Variants in HDLBP observed in about 807,000 individuals in gnomAD.
HDLBP encodes vigilin.
A neutral mutation model predicts 137.3 loss-of-function variants in HDLBP; 30 were observed. The ratio of observed to expected loss-of-function variants is 0.22; its 90% CI spans 0.16 to 0.30. HDLBP has a LOEUF of 0.30. Among genes scored for constraint, HDLBP ranks in the 10% least tolerant of loss-of-function variants. The pLI is 1.00. For synonymous variants in HDLBP, 606 were observed against 596.0 expected, an observed-to-expected ratio of 1.02 and a Z score of -0.24; for missense variants, 1,119 against 1,667.3, an observed-to-expected ratio of 0.67 and a Z score of 5.73.
chr2:241,238,009 G>A lies in HDLBP; in HGVS notation c.2749+640C>T, dbSNP rs1339234498. Among the ~76,000 whole-genome samples the A allele has an allele frequency of 2.0e-5, 3 of 152,248 alleles. No homozygotes were observed. The East Asian group carries it at 5.8e-4, about 29-fold the overall frequency. On this transcript the variant is annotated intron_variant, in intron 20 of 27. Coordinates refer to ENST00000310931, the MANE Select transcript of HDLBP (RefSeq NM_005336.6). This position sits in a 1 kb window ranked among gnomAD's most constrained non-coding sequence, Gnocchi z 4.9. ...TGCAGGGCCACCTGCCGCCCAAACAGCTCAACCAAGACTGATAACACAGAG... is the reference window on the plus strand; with the variant it reads ...TGCAGGGCCACCTGCCGCCCAAACAACTCAACCAAGACTGATAACACAGAG...
intron 16 of HDLBP, 186 bp from the exon 17 acceptor site, chr2:241,242,864 G>A (rs1559492579): frequency 1.5e-5 from 9 of 609,042 alleles, no homozygotes; most frequent in East Asian, 2.8e-5. Flanking sequence ...GAGAGTGCAC[G>A]TCCTGGGGAG....
At position 241,257,778 on chromosome 2, in the gene HDLBP, A is replaced by AGGAG. The variant is rs796574486; in HGVS notation, c.451-973_451-972insCTCC. Among the ~76,000 whole-genome samples, 14 of 152,346 alleles carry AGGAG rather than the reference A, an allele frequency of 9.2e-5. 1 individual carries two copies. Among genetic ancestry groups the AGGAG allele is most frequent in the African/African-American group, 2.9e-4 (12 of 41,576 alleles). On this transcript the variant is annotated intron_variant, in intron 5 of 27. Coordinates refer to ENST00000310931, the MANE Select transcript of HDLBP (RefSeq NM_005336.6). ...AAAATGAACAAGAAAACCCTGAAAA[A>AGGAG]GAATAGTGCAGGGTGGAGGTGTTAA... is the stretch of plus-strand genomic sequence containing the variant.
chr2:241,236,859 TG>T, intron 20 of HDLBP, 90 bp from the exon 21 acceptor site: 1 of 1,357,352 alleles, frequency 7.4e-7, no homozygotes, highest in South Asian at 1.3e-5. Context: ...AGGCACCTGC[TG>T]GGTGCTGGGT....
intron 1 of HDLBP, among the ~76,000 whole-genome samples, chr2:241,305,039 A>G (rs2075524505): frequency 1.3e-5 from 2 of 152,144 alleles, no homozygotes; most frequent in African/African-American, 2.4e-5. Context: ...TTTTATTACT[A>G]TTATCATCTG....
rs572701737 is a variant in HDLBP at position 241,305,343 on chromosome 2, G to A, written c.-103+10227C>T. Among the ~76,000 whole-genome samples, 11 of 152,184 alleles carry A rather than the reference G, an allele frequency of 7.2e-5. No homozygotes were observed. The East Asian group carries it at 1.7e-3, about 24-fold the overall frequency. The stretch of plus-strand genomic sequence containing the variant: ...TCACCATGTTGGACAGGCTGGTCTC[G>A]AACTCCTGACCTCAGGTGATCCACC... On this transcript the variant is annotated intron_variant, in intron 1 of 27. Coordinates refer to ENST00000310931, the MANE Select transcript of HDLBP (RefSeq NM_005336.6).
chr2:241,283,298 T>C (rs956798073), intron 1 of HDLBP, among the ~76,000 whole-genome samples: 19 of 152,192 alleles, frequency 1.2e-4, no homozygotes, highest in Non-Finnish European at 2.4e-4. Flanking sequence ...AAGATCTCTC[T>C]AACATGAAAG....
Position 241,272,686 on chromosome 2 carries a change from AC to A in HDLBP, c.-102-4146del, listed in dbSNP as rs1235697569. The A allele has an allele frequency of 1.3e-4, 67 of 535,282 alleles. No homozygotes were observed. The highest frequency in any genetic ancestry group is 9.4e-4 in the Middle Eastern group (1 of 1,062). 33.2% of individuals were successfully genotyped at this position (535,282 alleles called of 1,614,324 possible). A position where few individuals can be genotyped will look rare whatever the true frequency, so the allele number is the denominator to read the frequency against. On this transcript the variant is annotated intron_variant, in intron 1 of 27. Coordinates refer to ENST00000310931, the MANE Select transcript of HDLBP (RefSeq NM_005336.6). This position sits in a 1 kb window ranked among gnomAD's most constrained non-coding sequence, Gnocchi z 5.6. Reference sequence around the variant, plus strand: ...GCCTCCACGTCAGCAGCCACCCCCCACCCCCCCGCCCGGCAGCCCGCCCGCC... The same window carrying A: ...GCCTCCACGTCAGCAGCCACCCCCCACCCCCCGCCCGGCAGCCCGCCCGCC...
At chr2:241,296,118 A>G (rs1575039984) in intron 1 of HDLBP, among the ~76,000 whole-genome samples, 1 of 151,178 alleles carries the variant, frequency 6.6e-6, no homozygotes, top group Non-Finnish European at 1.5e-5. Context: ...AAAAAAAAAA[A>G]GCTGGGATTC....
intron 1 of HDLBP, chr2:241,302,584 A>T (rs944755098): frequency 1.3e-5 from 2 of 152,198 alleles, no homozygotes; most frequent in Admixed American, 6.5e-5. Context: ...ACCCCCTTTA[A>T]AAACTATTTC....
intron 1 of HDLBP, among the ~76,000 whole-genome samples, chr2:241,289,579 A>G (rs2074941487): frequency 6.6e-6 from 1 of 152,224 alleles, no homozygotes; most frequent in Non-Finnish European, 1.5e-5. Flanking sequence ...AGGAACTTAG[A>G]TGTCTCATCT....
intron 1 of HDLBP, among the ~76,000 whole-genome samples, chr2:241,297,220 G>C (rs1193633437): frequency 6.6e-6 from 1 of 152,212 alleles, no homozygotes; most frequent in Admixed American, 6.5e-5. Flanking sequence ...GTGGGTGGAG[G>C]TGCAGGATGA....
Position 241,264,688 on chromosome 2 carries a change from AACAG to A in HDLBP, c.77-87_77-84del, listed in dbSNP as rs549087358. On this transcript the variant is annotated intron_variant, in intron 3 of 27. Transcript: ENST00000310931. ...ACTTTTAAGGGTTTTAGTGCTTAAA[AACAG>A]ACAAACAAGAACCATCAAATGCTCC... 6.6e-4 allele frequency: 859 copies of A among 1,304,754 alleles called. 4 individuals are homozygous for A. The African/African-American group carries it at 0.011, about 17-fold the overall frequency. The allele number at this position is 1,304,754 out of a possible 1,614,324, so 80.8% of individuals were successfully genotyped here.
At chr2:241,235,886 C>T (rs2070352960) in intron 21 of HDLBP, among the ~76,000 whole-genome samples, 1 of 152,192 alleles carries the variant, frequency 6.6e-6, no homozygotes, top group Non-Finnish European at 1.5e-5. Flanking sequence ...ACTCCTGGCA[C>T]ATCCTCGGGG....
chr2:241,256,310 C>A lies in HDLBP; in HGVS notation c.747G>T (p.Met249Ile). ...TGTTGATGCGCGTGCCTGTCTCCTG[C>A]ATGATCTCGCCAACCAGTCTATTAT... Reference protein sequence around the residue: ...GPYNRLVGEIMQETGTRINIP... With the variant: ...GPYNRLVGEIIQETGTRINIP... The change falls in exon 7 of 28, where the codon ATG becomes ATT. Residue 249 changes from methionine (M) to isoleucine (I), a missense_variant. Met to Ile is a conservative substitution (Grantham distance 10). Around this residue, in one of 4 missense-constraint regions of HDLBP, gnomAD observed 425 missense variants for 693.9 expected, o/e 0.61. Transcript: ENST00000310931. The A allele has an allele frequency of 6.2e-7, 1 of 1,614,156 alleles. No individual in the cohort carries two copies. The highest frequency in any genetic ancestry group is 8.5e-7 in the Non-Finnish European group (1 of 1,180,014).
intron 1 of HDLBP, among the ~76,000 whole-genome samples, chr2:241,299,732 G>A (rs1051110841): frequency 6.6e-6 from 1 of 151,792 alleles, no homozygotes; most frequent in South Asian, 2.1e-4. Context: ...TGGCTAACAC[G>A]GTGAAACCCT....
intron 1 of HDLBP, chr2:241,302,660 C>G (rs1016573295): frequency 1.3e-5 from 2 of 152,332 alleles, no homozygotes; most frequent in African/African-American, 2.4e-5. Flanking sequence ...TCCAATGGAT[C>G]TGGTCCTTTT....
chr2:241,297,905 G>A (rs967766962), intron 1 of HDLBP, among the ~76,000 whole-genome samples: 4 of 151,644 alleles, frequency 2.6e-5, no homozygotes, highest in East Asian at 1.9e-4. Context: ...AAAATTAGCC[G>A]GGCGTGGTGG....
At chr2:241,260,252 C>T (rs1314462523) in intron 5 of HDLBP, among the ~76,000 whole-genome samples, 1 of 152,104 alleles carries the variant, frequency 6.6e-6, no homozygotes, top group South Asian at 2.1e-4. Context: ...GTGATCTGCC[C>T]GCCTCAGCCT....
intron 1 of HDLBP, chr2:241,273,545 T>G: frequency 3.2e-6 from 3 of 934,632 alleles, no homozygotes; most frequent in Non-Finnish European, 2.6e-6. Flanking sequence ...TCTGCATCCA[T>G]TGTGTTTACT....
Sources: allele counts gnomAD v4.1 joint callset (sites outside exome capture counted in the v4.1 genomes callset), GRCh38; gene constraint gnomAD v4.1.1; regional missense constraint gnomAD v4.1.1; non-coding constraint Gnocchi (gnomAD v3.1); transcripts MANE v1.5; gene names NCBI Gene and HGNC (gene_info 2026-07-23, HGNC 2026-07-21).